FBXO36: variants seen among roughly 807,000 people sequenced by gnomAD.
The protein encoded by FBXO36 is F-box protein 36, also known as F-box only protein 36.
In FBXO36, 18 loss-of-function variants were observed where a neutral mutation model predicts 17.0. The ratio of observed to expected loss-of-function variants is 1.06; its 90% CI spans 0.73 to 1.57. The LOEUF is 1.57. FBXO36 is among the 40% of genes most tolerant of loss of function. FBXO36 has a pLI of 0.00. For missense variants in FBXO36, 229 were observed against 221.9 expected (o/e 1.03, Z -0.20); for synonymous variants, 83 against 85.3 (o/e 0.97, Z 0.15).
chr2:229,977,416 A>C (rs1425236400), intron 2 of FBXO36, among the ~76,000 whole-genome samples: 1 of 152,184 alleles, frequency 6.6e-6, no homozygotes, highest in Non-Finnish European at 1.5e-5. Flanking sequence ...TGAAAAATTC[A>C]AACATAAAAA....
Position 229,939,058 on chromosome 2 carries a change from G to GTT in FBXO36, c.96+16463_96+16464dup, listed in dbSNP as rs199897011. The GTT allele has an allele frequency of 6.7e-3, 769 of 115,598 alleles. 22 individuals carry two copies. Among genetic ancestry groups the GTT allele is most frequent in the East Asian group, 0.01 (40 of 3,844 alleles). The allele number at this position is 115,598 out of a possible 1,614,324, so 7.2% of individuals were successfully genotyped here. The stretch of plus-strand genomic sequence containing the variant: ...ACACCTTTTTTTTGGTTTGTTTTTT[G>GTT]TTTTTTTTTTTTTTTGAGGAGTTTC... On this transcript the variant is annotated intron_variant, in intron 1 of 3. Coordinates refer to ENST00000283946, the MANE Select transcript of FBXO36 (RefSeq NM_174899.5).
chr2:229,941,531 C>G, intron 1 of FBXO36, among the ~76,000 whole-genome samples: 1 of 151,298 alleles, frequency 6.6e-6, no homozygotes, highest in Non-Finnish European at 1.5e-5. Flanking sequence ...CTTCAGGGAA[C>G]TGAAATAGGT....
intron 2 of FBXO36, among the ~76,000 whole-genome samples, chr2:229,987,982 G>A (rs1303952450): frequency 6.6e-6 from 1 of 152,044 alleles, no homozygotes; most frequent in Non-Finnish European, 1.5e-5. Flanking sequence ...TTCTTTAACT[G>A]CTGCTTTACC....
At chr2:229,992,734 A>G (rs1367968775) in intron 2 of FBXO36, among the ~76,000 whole-genome samples, 2 of 152,228 alleles carry the variant, frequency 1.3e-5, no homozygotes, top group African/African-American at 2.4e-5. Context: ...TATCTCAAAC[A>G]GTTCCAGTGG....
chr2:229,984,575 A>G (rs2077258393), intron 2 of FBXO36, among the ~76,000 whole-genome samples: 1 of 151,344 alleles, frequency 6.6e-6, no homozygotes, highest in Admixed American at 6.6e-5. Flanking sequence ...TTTTTAGTAG[A>G]GACGGGGTTT....
intron 1 of FBXO36, among the ~76,000 whole-genome samples, chr2:229,950,468 A>G (rs1471618308): frequency 6.6e-6 from 1 of 152,130 alleles, no homozygotes; most frequent in Non-Finnish European, 1.5e-5. Context: ...AAGGGAAAAG[A>G]GAGAGCTGAG....
chr2:229,963,530 C>T (rs922104943), intron 1 of FBXO36, among the ~76,000 whole-genome samples: 5 of 151,322 alleles, frequency 3.3e-5, no homozygotes, highest in African/African-American at 4.9e-5. Context: ...CGGCAAGCTC[C>T]GCCTCGTGGG....
At chr2:229,997,917 C>T (rs940997798) in intron 3 of FBXO36, among the ~76,000 whole-genome samples, 1 of 152,176 alleles carries the variant, frequency 6.6e-6, no homozygotes, top group Non-Finnish European at 1.5e-5. Context: ...CCTTCAACTC[C>T]AGAACCCCCA....
chr2:229,995,900 A>G (rs1483015399), intron 2 of FBXO36, among the ~76,000 whole-genome samples: 1 of 143,034 alleles, frequency 7.0e-6, no homozygotes, highest in Non-Finnish European at 1.5e-5. Flanking sequence ...CCCTGTTCCT[A>G]TTTTTTTTTT....
intron 1 of FBXO36, among the ~76,000 whole-genome samples, chr2:229,940,846 CGT>C (rs2076994363): frequency 6.6e-6 from 1 of 152,134 alleles, no homozygotes; most frequent in African/African-American, 2.4e-5. Flanking sequence ...GAAATAAATT[CGT>C]GTTGTTTTAA....
intron 2 of FBXO36, among the ~76,000 whole-genome samples, chr2:229,977,931 A>G: frequency 6.6e-6 from 1 of 152,090 alleles, no homozygotes; most frequent in East Asian, 1.9e-4. Flanking sequence ...ACTTTCTTCG[A>G]CTAAACTCTT....
At chr2:230,000,356 A>C (rs1193806319) in intron 3 of FBXO36, among the ~76,000 whole-genome samples, 2 of 37,014 alleles carry the variant, frequency 5.4e-5, no homozygotes, top group Admixed American at 2.4e-4. Flanking sequence ...AGACTGTCTC[A>C]AAAAAAAAAA....
chr2:229,934,100 C>G (rs942799519), intron 1 of FBXO36, among the ~76,000 whole-genome samples: 1 of 152,032 alleles, frequency 6.6e-6, no homozygotes, highest in Non-Finnish European at 1.5e-5. Context: ...TTTCTCAGAG[C>G]CTTTCAAATC....
rs60093081 is a variant in FBXO36 at position 229,954,234 on chromosome 2, ATTTTTTTTTTT to A, written c.97-21991_97-21981del. On this transcript the variant is annotated intron_variant, in intron 1 of 3. Coordinates refer to ENST00000283946, the MANE Select transcript of FBXO36 (RefSeq NM_174899.5). ...GCAACTGTCATTACAAACCCTTTGGATTTTTTTTTTTTTTTTTTTTTTTTTTGAGACAGAGT... is the reference window on the plus strand; with the variant it reads ...GCAACTGTCATTACAAACCCTTTGGATTTTTTTTTTTTTTTGAGACAGAGT... Among the ~76,000 whole-genome samples, 21 of 71,406 alleles carry A rather than the reference ATTTTTTTTTTT, an allele frequency of 2.9e-4. 1 individual carries two copies. The highest frequency in any genetic ancestry group is 4.4e-4 in the African/African-American group (9 of 20,600). 46.8% of individuals were successfully genotyped at this position (71,406 alleles called of 152,430 possible).
chr2:229,933,413 C>T (rs1301298217), intron 1 of FBXO36, among the ~76,000 whole-genome samples: 1 of 152,150 alleles, frequency 6.6e-6, no homozygotes, highest in Non-Finnish European at 1.5e-5. Context: ...TATACACACA[C>T]ACACAAAGAT....
At chr2:230,007,266 A>C (rs904417888) in intron 3 of FBXO36, among the ~76,000 whole-genome samples, 1 of 152,258 alleles carries the variant, frequency 6.6e-6, no homozygotes. Context: ...GCTGAGGCCC[A>C]GGCCGGGAAA....
Position 230,011,158 on chromosome 2 carries a change from A to T in FBXO36, c.*274A>T. 3.3e-6 allele frequency: 1 copy of T among 307,482 alleles called. No individual in the cohort carries two copies. Among genetic ancestry groups the T allele is most frequent in the Non-Finnish European group, 6.0e-6 (1 of 166,050 alleles). The allele number at this position is 307,482 out of a possible 1,614,324, so 19.0% of individuals were successfully genotyped here. A position where few individuals can be genotyped will look rare whatever the true frequency, so the allele number is the denominator to read the frequency against. On this transcript the variant is annotated 3_prime_UTR_variant, in exon 4 of 4. Coordinates refer to ENST00000283946, the MANE Select transcript of FBXO36 (RefSeq NM_174899.5). ...CCATCATCATCCTTATCCCACACCCATTATAAAAGAGGTTTCTATTGTATA... is the reference window on the plus strand; with the variant it reads ...CCATCATCATCCTTATCCCACACCCTTTATAAAAGAGGTTTCTATTGTATA...
Position 229,989,706 on chromosome 2 carries a change from A to T in FBXO36, c.206-7045A>T, listed in dbSNP as rs1577357706. ...CTCCAGAGTAGCTGGGATTACAGGCACCCACCACCACGCCTGGCTAATTTT... is the reference window on the plus strand; with the variant it reads ...CTCCAGAGTAGCTGGGATTACAGGCTCCCACCACCACGCCTGGCTAATTTT... On this transcript the variant is annotated intron_variant, in intron 2 of 3. Coordinates refer to ENST00000283946, the MANE Select transcript of FBXO36 (RefSeq NM_174899.5). 2.0e-5 allele frequency among the ~76,000 whole-genome samples: 3 copies of T among 147,880 alleles called. No homozygotes were observed. The South Asian group carries it at 6.5e-4, about 32-fold the overall frequency.
At chr2:230,002,246 T>C (rs560069106) in intron 3 of FBXO36, among the ~76,000 whole-genome samples, 2 of 152,208 alleles carry the variant, frequency 1.3e-5, no homozygotes, top group South Asian at 4.1e-4. Flanking sequence ...TACAACACTA[T>C]TAACTAAAAT....
Sources: allele counts gnomAD v4.1 joint callset (sites outside exome capture counted in the v4.1 genomes callset), GRCh38; gene constraint gnomAD v4.1.1; transcripts MANE v1.5; gene names NCBI Gene and HGNC (gene_info 2026-07-23, HGNC 2026-07-21).